NOP14: variants seen among roughly 807,000 people sequenced by gnomAD.
NOP14 encodes the protein nucleolar protein 14.
In NOP14, 57 loss-of-function variants were observed where a neutral mutation model predicts 101.6. That is an observed-to-expected ratio of 0.56 (90% confidence interval 0.45 to 0.70). The LOEUF (loss-of-function observed/expected upper bound fraction) is 0.70. Among genes scored for constraint, NOP14 ranks in the 30% least tolerant of loss-of-function variants. The probability of loss-of-function intolerance (pLI) is 0.00; values close to 1 mark genes in which losing one functional copy is unlikely to be tolerated. For synonymous variants in NOP14, 428 were observed against 424.0 expected (o/e 1.01, Z -0.12); for missense variants, 1,134 against 1,075.5 (o/e 1.05, Z -0.76).
rs371137582 is a variant in NOP14 at position 2,944,185 on chromosome 4, G to C, written c.1779C>G (p.Phe593Leu). 2 of 1,614,056 alleles carry C rather than the reference G, an allele frequency of 1.2e-6. No individual in the cohort carries two copies. The highest frequency in any genetic ancestry group is 1.7e-6 in the Non-Finnish European group (2 of 1,179,958). ...CATACTCCAGGAACAGGCAGCACAC[G>C]AACAGGCCCTTCACCACGTCCTGGA... ...LSLQDVVKGL[F>L]VCCLFLEYVA... Residue 593 changes from phenylalanine to leucine, a missense_variant, in exon 13 of 18, where the codon TTC (phenylalanine) becomes TTG (leucine). Physicochemically the swap from Phe to Leu is conservative, Grantham distance 22. Coordinates refer to ENST00000416614, the MANE Select transcript of NOP14 (RefSeq NM_001291978.2).
Position 2,938,763 on chromosome 4 carries a change from C to T in NOP14, c.*68G>A. On this transcript the variant is annotated 3_prime_UTR_variant, in exon 18 of 18. Coordinates refer to ENST00000416614, the MANE Select transcript of NOP14 (RefSeq NM_001291978.2). ...GCTGAAGCAATCTTCCTGCCTTGGC[C>T]TCCCAGAGGGTTGGAATTGCAGATG... The T allele has an allele frequency of 7.5e-7, 1 of 1,341,416 alleles. No individual in the cohort carries two copies. The highest frequency in any genetic ancestry group is 1.1e-6 in the Non-Finnish European group (1 of 945,540). The allele number at this position is 1,341,416 out of a possible 1,614,324, so 83.1% of individuals were successfully genotyped here. A position where few individuals can be genotyped will look rare whatever the true frequency, so the allele number is the denominator to read the frequency against.
intron 8 of NOP14, among the ~76,000 whole-genome samples, chr4:2,949,564 C>T (rs1158329334): frequency 6.6e-6 from 1 of 152,174 alleles, no homozygotes; most frequent in African/African-American, 2.4e-5. Context: ...TAAAATGTTA[C>T]GTGGCCAAAC....
At position 2,944,169 on chromosome 4, in the gene NOP14, G is replaced by C; in HGVS notation, c.1795C>G (p.Leu599Val). ...CTCTGGGACAAAGCCACATACTCCA[G>C]GAACAGGCAGCACACGAACAGGCCC... ...VKGLFVCCLFLEYVALSQRFI... is the reference protein window; with the variant it reads ...VKGLFVCCLFVEYVALSQRFI... The change falls in exon 13 of 18, where the codon CTG (leucine) becomes GTG (valine). Residue 599 changes from leucine to valine, a missense_variant. Physicochemically the swap from Leu to Val is conservative, Grantham distance 32 (BLOSUM62 1). Transcript: ENST00000416614. 1 of 1,614,104 alleles carries C rather than the reference G, an allele frequency of 6.2e-7. No homozygotes were observed.
chr4:2,941,940 C>T (rs781193066), intron 14 of NOP14: 9 of 651,122 alleles, frequency 1.4e-5, no homozygotes, highest in South Asian at 4.2e-5. Context: ...GGAACCGCAG[C>T]GCCAGCTGGG....
chr4:2,939,858 C>T (rs1714014987), intron 15 of NOP14, among the ~76,000 whole-genome samples: 1 of 152,198 alleles, frequency 6.6e-6, no homozygotes, highest in Admixed American at 6.5e-5. Context: ...CGAAGTAAAG[C>T]CACTGTCTTC....
At chr4:2,944,724 A>G (rs1370140897) in intron 12 of NOP14, among the ~76,000 whole-genome samples, 1 of 152,244 alleles carries the variant, frequency 6.6e-6, no homozygotes, top group Non-Finnish European at 1.5e-5. Context: ...TACTGATTAT[A>G]AAGTTCCTTC....
intron 4 of NOP14, 28 bp downstream of exon 4, chr4:2,954,396 A>G: frequency 6.2e-7 from 1 of 1,610,124 alleles, no homozygotes; most frequent in East Asian, 2.2e-5. Context: ...ACCGTGGAGA[A>G]GATGATCAAG....
intron 1 of NOP14, among the ~76,000 whole-genome samples, chr4:2,962,193 A>C (rs573803588): frequency 6.6e-6 from 1 of 152,224 alleles, no homozygotes; most frequent in Admixed American, 6.5e-5. Flanking sequence ...GTATACTATC[A>C]TCTCTACTTT....
intron 15 of NOP14, 54 bp from the exon 16 acceptor site, chr4:2,939,699 A>C (rs1713994927): frequency 1.5e-6 from 2 of 1,325,744 alleles, no homozygotes; most frequent in African/African-American, 1.4e-5. Context: ...GCGTGCCCTG[A>C]GCTCCACGCA....
chr4:2,939,150 G>A (rs1322202628), intron 17 of NOP14, 38 bp downstream of exon 17: 2 of 1,611,972 alleles, frequency 1.2e-6, no homozygotes. Context: ...AAAGCTGAGT[G>A]ACACCACAAT....
chr4:2,951,268 T>C (rs1457053983), intron 6 of NOP14, 23 bp from the exon 7 acceptor site: 2 of 1,611,492 alleles, frequency 1.2e-6, no homozygotes. Flanking sequence ...GAATGAGATG[T>C]CTTAGAGCAC....
chr4:2,950,336 C>T (rs762762537), intron 7 of NOP14, 123 bp from the exon 8 acceptor site: 11 of 1,037,682 alleles, frequency 1.1e-5, no homozygotes, highest in Non-Finnish European at 1.3e-5. Flanking sequence ...GAACACAAAC[C>T]TGTGTGCTCC....
At position 2,938,168 on chromosome 4, in the gene NOP14, G is replaced by T; in HGVS notation, c.*663C>A. 1 of 1,281,910 alleles carries T rather than the reference G, an allele frequency of 7.8e-7. No individual in the cohort carries two copies. The highest frequency in any genetic ancestry group is 1.0e-6 in the Non-Finnish European group (1 of 985,066). The allele number at this position is 1,281,910 out of a possible 1,614,324, so 79.4% of individuals were successfully genotyped here. ...GTGACGTTTTAACAGAAACAAAACC[G>T]CAGGCAGCGGGTGGGGGGAGCTGGA... On this transcript the variant is annotated 3_prime_UTR_variant, in exon 18 of 18. Transcript: ENST00000416614.
intron 1 of NOP14, among the ~76,000 whole-genome samples, chr4:2,959,801 C>A (rs1715606824): frequency 6.6e-6 from 1 of 152,122 alleles, no homozygotes. Flanking sequence ...AGGTTAAGCT[C>A]TCTGAACCTT....
chr4:2,961,248 A>G (rs1715866018), intron 1 of NOP14: 3 of 146,404 alleles, frequency 2.0e-5, no homozygotes, highest in African/African-American at 7.5e-5. Flanking sequence ...AATATATAGT[A>G]ACTATATTAA....
At chr4:2,938,994 C>A in intron 17 of NOP14, 64 bp from the exon 18 acceptor site, 1 of 1,522,816 alleles carries the variant, frequency 6.6e-7, no homozygotes, top group South Asian at 1.1e-5. Flanking sequence ...CTTGCCCTCT[C>A]TCTCCCACAT....
At chr4:2,945,272 G>A in intron 11 of NOP14, 43 bp from the exon 12 acceptor site, 3 of 1,448,246 alleles carry the variant, frequency 2.1e-6, no homozygotes, top group Non-Finnish European at 2.8e-6. Context: ...GGTAAATGAA[G>A]TCCATCCATA....
chr4:2,938,500 G>A lies in NOP14; in HGVS notation c.*331C>T, dbSNP rs1389371428. On this transcript the variant is annotated 3_prime_UTR_variant, in exon 18 of 18. Coordinates refer to ENST00000416614, the MANE Select transcript of NOP14 (RefSeq NM_001291978.2). The stretch of plus-strand genomic sequence containing the variant: ...GCCTGGGCAACAAGAGCAAAACTCC[G>A]TCTCAAAAAAAAAAATTTTTTTTTA... 7 of 336,474 alleles carry A rather than the reference G, an allele frequency of 2.1e-5. No homozygotes were observed. Among genetic ancestry groups the A allele is most frequent in the East Asian group, 8.2e-5 (1 of 12,200 alleles). The allele number at this position is 336,474 out of a possible 1,614,324, so 20.8% of individuals were successfully genotyped here. A position where few individuals can be genotyped will look rare whatever the true frequency, so the allele number is the denominator to read the frequency against.
chr4:2,951,391 T>C lies in NOP14; in HGVS notation c.871-146A>G, dbSNP rs530983816. On this transcript the variant is annotated intron_variant, in intron 6 of 17. Transcript: ENST00000416614. ...CATCCAGCCTGCTTTCTGCCTGCAG[T>C]TTTCAATCAGGCATGCAAACACTAG... 2.3e-4 allele frequency: 147 copies of C among 637,278 alleles called. No individual in the cohort carries two copies. In the African/African-American group the frequency reaches 2.5e-3, roughly 11 times the overall value. The allele number at this position is 637,278 out of a possible 1,614,324, so 39.5% of individuals were successfully genotyped here. A position where few individuals can be genotyped will look rare whatever the true frequency, so the allele number is the denominator to read the frequency against.
Sources: allele counts gnomAD v4.1 joint callset (sites outside exome capture counted in the v4.1 genomes callset), GRCh38; gene constraint gnomAD v4.1.1; transcripts MANE v1.5; gene names NCBI Gene and HGNC (gene_info 2026-07-23, HGNC 2026-07-21).